The following DPYSL2 variants were observed in gnomAD, a reference collection of about 807,000 sequenced individuals.
The protein encoded by DPYSL2 is dihydropyrimidinase-related protein 2.
A neutral mutation model predicts 69.9 loss-of-function variants in DPYSL2; 13 were observed. The ratio of observed to expected loss-of-function variants is 0.19; its 90% CI spans 0.12 to 0.30. The LOEUF (loss-of-function observed/expected upper bound fraction) is 0.30. DPYSL2 is among the 10% of genes least tolerant of loss of function. DPYSL2 has a pLI of 1.00. For synonymous variants in DPYSL2, 326 were observed against 359.1 expected, an observed-to-expected ratio of 0.91 and a Z score of 1.04; for missense variants, 587 against 918.9, an observed-to-expected ratio of 0.64 and a Z score of 4.67.
rs1205322538 is a variant in DPYSL2, at chr8:26,627,172, A to G, written c.856-43A>G. On this transcript the variant is annotated intron_variant, in intron 5 of 13. Coordinates refer to ENST00000521913, the MANE Select transcript of DPYSL2 (RefSeq NM_001197293.3). This position sits in a 1 kb window ranked among gnomAD's most constrained non-coding sequence, Gnocchi z 6.9. ...GATGATTGTCTTTGTGAACAGGAAG[A>G]TGGAAGTCCCTGTCTCTGATCCCAC... is the stretch of plus-strand genomic sequence containing the variant. 4 of 1,564,276 alleles carry G rather than the reference A, an allele frequency of 2.6e-6. No homozygotes were observed. The Admixed American group carries it at 5.0e-5, about 20-fold the overall frequency.
rs775615953 is a variant in DPYSL2 at position 26,627,945 on chromosome 8, A to G, written c.1005+5A>G. 2 of 1,613,410 alleles carry G rather than the reference A, an allele frequency of 1.2e-6. No individual in the cohort carries two copies. The highest frequency in any genetic ancestry group is 4.5e-5 in the East Asian group (2 of 44,866). ...GTGCTGAGCCGACCTGAGGAGGTGA[A>G]TGTTCACCAAGCGGAATGCGTGAAT... On this transcript the variant is annotated splice_donor_5th_base_variant and intron_variant, in intron 7 of 13. Coordinates refer to ENST00000521913, the MANE Select transcript of DPYSL2 (RefSeq NM_001197293.3). This position sits in a 1 kb window ranked among gnomAD's most constrained non-coding sequence, Gnocchi z 6.9.
rs1295811439 is a variant in DPYSL2, at chr8:26,562,062, G to A, written c.355-19907G>A. 6.6e-6 allele frequency among the ~76,000 whole-genome samples: 1 copy of A among 152,112 alleles called. No homozygotes were observed. The highest frequency in any genetic ancestry group is 1.9e-4 in the East Asian group (1 of 5,188). On this transcript the variant is annotated intron_variant, in intron 1 of 13. Coordinates refer to ENST00000521913, the MANE Select transcript of DPYSL2 (RefSeq NM_001197293.3). The surrounding 1 kb of genome is among the most constrained non-coding windows in gnomAD (Gnocchi z 4.9). ...CACCTTGATTCAATCCCCCAATCTA[G>A]AGTTCACACTTGATAGTTTTCTCCT...
chr8:26,645,572 AT>A (rs1414753353), intron 10 of DPYSL2, among the ~76,000 whole-genome samples: 1 of 152,068 alleles, frequency 6.6e-6, no homozygotes, highest in African/African-American at 2.4e-5. Context: ...TTATTTATTT[AT>A]TTATTTGAGA....
At chr8:26,558,706 G>A (rs984840755) in intron 1 of DPYSL2, among the ~76,000 whole-genome samples, 1 of 152,162 alleles carries the variant, frequency 6.6e-6, no homozygotes, top group Admixed American at 6.5e-5. Flanking sequence ...GGTGGAGGGA[G>A]AAAGGGATAT....
At chr8:26,556,363 TAG>T (rs1800985751) in intron 1 of DPYSL2, among the ~76,000 whole-genome samples, 2 of 56,088 alleles carry the variant, frequency 3.6e-5, no homozygotes, top group African/African-American at 1.3e-4. Flanking sequence ...TATATATATA[TAG>T]TATATATATA....
chr8:26,592,185 G>A (rs1444818517), intron 3 of DPYSL2, among the ~76,000 whole-genome samples: 1 of 151,990 alleles, frequency 6.6e-6, no homozygotes, highest in Non-Finnish European at 1.5e-5. Flanking sequence ...TTTTAGAAAC[G>A]GTGTCTCACT....
chr8:26,573,064 C>T (rs925733921), intron 1 of DPYSL2, among the ~76,000 whole-genome samples: 5 of 152,228 alleles, frequency 3.3e-5, no homozygotes, highest in Non-Finnish European at 7.3e-5. Context: ...TCTCCGTGTT[C>T]TACCAGGCTT....
intron 3 of DPYSL2, among the ~76,000 whole-genome samples, chr8:26,603,820 T>C (rs948096981): frequency 2.0e-5 from 3 of 152,130 alleles, no homozygotes; most frequent in African/African-American, 7.2e-5. Context: ...AGAATTTCCT[T>C]TTTTTTATGG....
rs143750872 is a variant in DPYSL2 at position 26,586,108 on chromosome 8, A to C, written c.628+2125A>C. Among the ~76,000 whole-genome samples, 2,485 of 152,158 alleles carry C rather than the reference A, an allele frequency of 0.016. 63 individuals carry two copies. The highest frequency in any genetic ancestry group is 0.05 in the African/African-American group (2,089 of 41,492). ...ATAGAGTGAGACTCCGTCTCAAAAA[A>C]AAACAAACAAAAAAATTCTCGAGTG... On this transcript the variant is annotated intron_variant, in intron 3 of 13. Transcript: ENST00000521913. This position sits in a 1 kb window ranked among gnomAD's most constrained non-coding sequence, Gnocchi z 4.7.
rs1000847489 is a variant in DPYSL2 at position 26,627,756 on chromosome 8, C to T, written c.937-116C>T. Reference sequence around the variant, plus strand: ...ATGAGGTCTTGGGATGAGGGCAGAACGATCGGCAGTGGTAATTTTCCATCT... The same window carrying T: ...ATGAGGTCTTGGGATGAGGGCAGAATGATCGGCAGTGGTAATTTTCCATCT... On this transcript the variant is annotated intron_variant, in intron 6 of 13. Coordinates refer to ENST00000521913, the MANE Select transcript of DPYSL2 (RefSeq NM_001197293.3). This position sits in a 1 kb window ranked among gnomAD's most constrained non-coding sequence, Gnocchi z 6.9. 9 of 1,019,120 alleles carry T rather than the reference C, an allele frequency of 8.8e-6. No homozygotes were observed. The highest frequency in any genetic ancestry group is 5.2e-5 in the East Asian group (2 of 38,466). 63.1% of individuals were successfully genotyped at this position (1,019,120 alleles called of 1,614,324 possible).
intron 3 of DPYSL2, chr8:26,623,778 G>A (rs1241413902): frequency 4.9e-6 from 1 of 203,520 alleles, no homozygotes; most frequent in African/African-American, 2.4e-5. Context: ...CGTCTCATAA[G>A]CTGCTTTCAA....
intron 7 of DPYSL2, among the ~76,000 whole-genome samples, chr8:26,628,698 T>C (rs1427689463): frequency 1.3e-5 from 2 of 152,174 alleles, no homozygotes; most frequent in African/African-American, 4.8e-5. Flanking sequence ...CCACCAGGAT[T>C]TCCCCTTCAT....
intron 1 of DPYSL2, among the ~76,000 whole-genome samples, chr8:26,531,307 G>A (rs1040596016): frequency 1.3e-5 from 2 of 152,070 alleles, no homozygotes; most frequent in African/African-American, 2.4e-5. Context: ...AGGGCAGCTC[G>A]GGGGCTCATG....
chr8:26,524,083 G>A (rs535024779), intron 1 of DPYSL2, among the ~76,000 whole-genome samples: 1 of 152,298 alleles, frequency 6.6e-6, no homozygotes, highest in African/African-American at 2.4e-5. Context: ...AATTTTTAAA[G>A]GAAACTACTA....
intron 1 of DPYSL2, among the ~76,000 whole-genome samples, chr8:26,557,798 A>G (rs560084523): frequency 6.6e-6 from 1 of 151,862 alleles, no homozygotes; most frequent in African/African-American, 2.4e-5. Context: ...AAACAAACAA[A>G]CAAACAAACA....
chr8:26,602,892 G>C (rs1303071801), intron 3 of DPYSL2, among the ~76,000 whole-genome samples: 1 of 152,224 alleles, frequency 6.6e-6, no homozygotes, highest in African/African-American at 2.4e-5. Context: ...GCCAAGAGAG[G>C]CTTCAGCCAA....
At chr8:26,651,218 C>T (rs1372659282) in intron 11 of DPYSL2, among the ~76,000 whole-genome samples, 1 of 152,226 alleles carries the variant, frequency 6.6e-6, no homozygotes, top group Non-Finnish European at 1.5e-5. Flanking sequence ...TTTCACCCAA[C>T]ATTGTATGCG....
chr8:26,528,954 A>G (rs11774425), intron 1 of DPYSL2, among the ~76,000 whole-genome samples: 14,973 of 152,120 alleles, frequency 0.098, 831 homozygotes, highest in Non-Finnish European at 0.12. Context: ...GTAGGTGGAT[A>G]TTGGCCCTGA....
intron 1 of DPYSL2, among the ~76,000 whole-genome samples, chr8:26,557,111 T>C (rs1291258612): frequency 6.6e-6 from 1 of 152,078 alleles, no homozygotes; most frequent in Non-Finnish European, 1.5e-5. Context: ...AATGGAAATC[T>C]ATAAAACTCC....
Sources: allele counts gnomAD v4.1 joint callset (sites outside exome capture counted in the v4.1 genomes callset), GRCh38; gene constraint gnomAD v4.1.1; non-coding constraint Gnocchi (gnomAD v3.1); transcripts MANE v1.5; gene names NCBI Gene and HGNC (gene_info 2026-07-23, HGNC 2026-07-21).